Variants in RASA1 observed in about 807,000 individuals in gnomAD.
The protein encoded by RASA1 is RAS p21 protein activator 1, also known as ras GTPase-activating protein 1.
Under a neutral mutation model 132.2 loss-of-function variants are expected in RASA1, and 25 were observed. The ratio of observed to expected loss-of-function variants is 0.19; its 90% CI spans 0.14 to 0.26. The LOEUF is 0.26. RASA1 is among the 10% of genes least tolerant of loss of function. The pLI, the probability that RASA1 is intolerant of heterozygous loss-of-function variation, is 1.00. For missense variants in RASA1, 964 were observed against 1,299.2 expected (o/e 0.74, Z 3.97); for synonymous variants, 477 against 449.9 (o/e 1.06, Z -0.76).
intron 1 of RASA1, among the ~76,000 whole-genome samples, chr5:87,286,880 T>C (rs926360160): frequency 2.0e-5 from 3 of 150,040 alleles, no homozygotes; most frequent in African/African-American, 4.9e-5. Context: ...CATATATATA[T>C]ACACCATATA....
Position 87,376,429 on chromosome 5 carries a change from G to T in RASA1, c.2048G>T (p.Gly683Val), listed in dbSNP as rs1326128440. The T allele has an allele frequency of 6.2e-7, 1 of 1,613,906 alleles. No homozygotes were observed. Among genetic ancestry groups the T allele is most frequent in the Non-Finnish European group, 8.5e-7 (1 of 1,179,964 alleles). ...MRCQLSRLQK[G>V]HATDEWFLLS... ...TGCCAGTTGAGCCGATTACAGAAAG[G>T]GCATGCCACAGATGAATGGTTTCTG... Residue 683 changes from glycine (G) to valine (V), a missense_variant, in exon 16 of 25, where the codon GGG becomes GTG. Transcript: ENST00000274376.
chr5:87,282,886 C>A (rs1248696305), intron 1 of RASA1, among the ~76,000 whole-genome samples: 1 of 152,042 alleles, frequency 6.6e-6, no homozygotes, highest in Non-Finnish European at 1.5e-5. Context: ...GTGTTGTGTA[C>A]AACAGATATT....
At chr5:87,342,909 T>G (rs988021209) in intron 6 of RASA1, among the ~76,000 whole-genome samples, 3 of 152,206 alleles carry the variant, frequency 2.0e-5, no homozygotes, top group Non-Finnish European at 2.9e-5. Flanking sequence ...CATTTAAAGC[T>G]ACATCAGTTT....
intron 1 of RASA1, among the ~76,000 whole-genome samples, chr5:87,270,864 G>C (rs1753800659): frequency 6.6e-6 from 1 of 152,050 alleles, no homozygotes; most frequent in African/African-American, 2.4e-5. Context: ...CCTCAATAAA[G>C]GATTCAAGTC....
At chr5:87,277,988 T>C (rs1392189424) in intron 1 of RASA1, among the ~76,000 whole-genome samples, 1 of 152,154 alleles carries the variant, frequency 6.6e-6, no homozygotes, top group African/African-American at 2.4e-5. Context: ...CTGTATTCAA[T>C]GTGTGTTCAT....
intron 7 of RASA1, 55 bp downstream of exon 7, chr5:87,346,779 G>T: frequency 7.5e-7 from 1 of 1,328,984 alleles, no homozygotes; most frequent in South Asian, 1.2e-5. Flanking sequence ...ATAAAAAAGT[G>T]AACAAACCAT....
At chr5:87,387,432 G>T (rs988707682) in intron 23 of RASA1, among the ~76,000 whole-genome samples, 1 of 152,022 alleles carries the variant, frequency 6.6e-6, no homozygotes, top group Non-Finnish European at 1.5e-5. Context: ...TACGAATGAG[G>T]GTATTTTATA....
chr5:87,386,766 C>T, intron 22 of RASA1, 60 bp from the exon 23 acceptor site: 1 of 1,456,588 alleles, frequency 6.9e-7, no homozygotes, highest in East Asian at 2.3e-5. Context: ...TTGCACCAAC[C>T]TAATAGATCA....
Position 87,377,148 on chromosome 5 carries a change from A to AGGT in RASA1, c.2344+108_2344+109insGGT, listed in dbSNP as rs1224353810. 6.1e-5 allele frequency: 85 copies of AGGT among 1,387,898 alleles called. No homozygotes were observed. In the Admixed American group the frequency reaches 1.4e-3, roughly 23 times the overall value. The allele number at this position is 1,387,898 out of a possible 1,614,324, so 86.0% of individuals were successfully genotyped here. On this transcript the variant is annotated intron_variant, in intron 17 of 24. Coordinates refer to ENST00000274376, the MANE Select transcript of RASA1 (RefSeq NM_002890.3). ...TACTAAATTGTTAAATTATATTGCA[A>AGGT]AATAAGTTATTCTGTTTTCCCTCCT...
In RASA1 at chr5:87,268,706, A is replaced by G. The variant is rs747035767; in HGVS notation, c.255A>G (p.Gly85=). 1 of 1,611,982 alleles carries G rather than the reference A, an allele frequency of 6.2e-7. No homozygotes were observed. Among genetic ancestry groups the G allele is most frequent in the Non-Finnish European group, 8.5e-7 (1 of 1,179,184 alleles). The change falls in exon 1 of 25, where the codon GGA becomes GGG. Residue 85 remains glycine (G), a synonymous_variant. Coordinates refer to ENST00000274376, the MANE Select transcript of RASA1 (RefSeq NM_002890.3). ...GSVAGALGGA[G]LTGGGTAAGV... Reference sequence around the variant, plus strand: ...TGGCAGGGGCACTGGGGGGAGCTGGACTGACAGGGGGAGGTACTGCTGCTG... The same window carrying G: ...TGGCAGGGGCACTGGGGGGAGCTGGGCTGACAGGGGGAGGTACTGCTGCTG...
chr5:87,372,118 G>C lies in RASA1; in HGVS notation c.1699G>C (p.Asp567His). 6.2e-7 allele frequency: 1 copy of C among 1,613,078 alleles called. No homozygotes were observed. The change falls in exon 13 of 25, where the codon GAT (aspartate) becomes CAT (histidine). Residue 567 changes from aspartate (D) to histidine (H), a missense_variant and splice_region_variant. Physicochemically the swap from Asp to His is moderately conservative, Grantham distance 81 (BLOSUM62 -1). Coordinates refer to ENST00000274376, the MANE Select transcript of RASA1 (RefSeq NM_002890.3). ...TTTGAAGTGCTGTTTTTCTTTGCAG[G>C]ATTGGATGAAAGGTCTGCAGGCATT... ...FAGETPEQAE[D>H]WMKGLQAFCN...
Position 87,267,947 on chromosome 5 carries a change from T to TG in RASA1, c.-505_-504insG. 3.3e-6 allele frequency: 1 copy of TG among 300,634 alleles called. No individual in the cohort carries two copies. The highest frequency in any genetic ancestry group is 5.9e-6 in the Non-Finnish European group (1 of 168,706). The allele number at this position is 300,634 out of a possible 1,614,324, so 18.6% of individuals were successfully genotyped here. ...TTCCTCGTTACCCCGCCCCCCTTTC[T>TG]CTTGCCCCCCCACCCCTCTCATCTG... On this transcript the variant is annotated 5_prime_UTR_variant, in exon 1 of 25. Coordinates refer to ENST00000274376, the MANE Select transcript of RASA1 (RefSeq NM_002890.3).
chr5:87,297,258 T>C (rs1755161817), intron 1 of RASA1, among the ~76,000 whole-genome samples: 2 of 152,248 alleles, frequency 1.3e-5, no homozygotes, highest in Non-Finnish European at 2.9e-5. Flanking sequence ...TCCTGACATG[T>C]CTGTTTTTGA....
intron 19 of RASA1, among the ~76,000 whole-genome samples, chr5:87,380,148 T>C (rs1761608974): frequency 6.6e-6 from 1 of 152,154 alleles, no homozygotes; most frequent in African/African-American, 2.4e-5. Flanking sequence ...ATTTAGTCTA[T>C]ACTTGATAGA....
intron 5 of RASA1, among the ~76,000 whole-genome samples, 192 bp downstream of exon 5, chr5:87,338,283 C>G (rs1211822865): frequency 1.3e-5 from 2 of 151,406 alleles, no homozygotes; most frequent in African/African-American, 4.9e-5. Flanking sequence ...TACATAGCTG[C>G]CAATATTCAG....
chr5:87,291,912 G>C (rs181821774), intron 1 of RASA1, among the ~76,000 whole-genome samples: 9 of 152,274 alleles, frequency 5.9e-5, no homozygotes, highest in Admixed American at 1.3e-4. Flanking sequence ...ATGCAAGAAT[G>C]GTCTAATGCA....
At position 87,391,657 on chromosome 5, in the gene RASA1, A is replaced by G. The variant is rs930136896; in HGVS notation, c.*774A>G. 2.6e-5 allele frequency: 6 copies of G among 232,982 alleles called. No individual in the cohort carries two copies. Among genetic ancestry groups the G allele is most frequent in the African/African-American group, 1.3e-4 (6 of 45,284 alleles). 14.4% of individuals were successfully genotyped at this position (232,982 alleles called of 1,614,324 possible). ...TTGATCAATGCATGTTACCCATTCA[A>G]CCATTTTATAGACTACCAATTTCTT... On this transcript the variant is annotated 3_prime_UTR_variant, in exon 25 of 25. Coordinates refer to ENST00000274376, the MANE Select transcript of RASA1 (RefSeq NM_002890.3).
intron 1 of RASA1, among the ~76,000 whole-genome samples, chr5:87,324,652 T>G (rs1333424423): frequency 6.6e-6 from 1 of 152,232 alleles, no homozygotes; most frequent in Non-Finnish European, 1.5e-5. Context: ...CATGCACGCA[T>G]GTGCACACAC....
chr5:87,362,136 T>A (rs1760151537), intron 9 of RASA1, among the ~76,000 whole-genome samples: 1 of 152,224 alleles, frequency 6.6e-6, no homozygotes, highest in Non-Finnish European at 1.5e-5. Flanking sequence ...TCACCTAGCA[T>A]TTCTCACAGA....
Sources: gnomAD v4.1 joint callset for allele counts (sites outside exome capture counted in the v4.1 genomes callset) on GRCh38, gnomAD v4.1.1 for gene constraint, MANE v1.5 for transcripts, NCBI Gene and HGNC (gene_info 2026-07-23, HGNC 2026-07-21) for gene names.